Variants in AFG1L observed in about 807,000 individuals in gnomAD.
AFG1L encodes AFG1 like ATPase, also known as AFG1-like ATPase.
In AFG1L, 53 loss-of-function variants were observed where a neutral mutation model predicts 62.2. That is an observed-to-expected ratio of 0.85 (90% CI 0.68 to 1.07). AFG1L has a LOEUF of 1.07. Among genes scored for constraint, AFG1L ranks in the 50% least tolerant of loss-of-function variants. AFG1L has a pLI of 0.00. For synonymous variants in AFG1L, 228 were observed against 210.3 expected, an observed-to-expected ratio of 1.08 and a Z score of -0.73; for missense variants, 555 against 590.5, an observed-to-expected ratio of 0.94 and a Z score of 0.62.
intron 10 of AFG1L, among the ~76,000 whole-genome samples, chr6:108,502,172 G>A (rs1406082027): frequency 2.0e-5 from 3 of 148,010 alleles, no homozygotes; most frequent in Non-Finnish European, 3.0e-5. Flanking sequence ...GATTACAGGT[G>A]CAGCCACCAT....
chr6:108,377,213 G>T (rs556700534), intron 6 of AFG1L, among the ~76,000 whole-genome samples: 3 of 152,188 alleles, frequency 2.0e-5, no homozygotes, highest in Admixed American at 6.5e-5. Flanking sequence ...GCCACTCTTT[G>T]CCTTGTAAGT....
At chr6:108,412,380 G>T (rs1782158074) in intron 7 of AFG1L, among the ~76,000 whole-genome samples, 1 of 152,134 alleles carries the variant, frequency 6.6e-6, no homozygotes, top group Admixed American at 6.6e-5. Flanking sequence ...ACCTAGTGAG[G>T]CAGGCCAACA....
intron 7 of AFG1L, among the ~76,000 whole-genome samples, chr6:108,409,039 G>A (rs12193069): frequency 0.35 from 53,513 of 151,926 alleles, 9,856 homozygotes; most frequent in Non-Finnish European, 0.42. Context: ...AAAAGCTTTC[G>A]ATAATGTAGA....
At chr6:108,360,073 C>T (rs1475149792) in intron 5 of AFG1L, among the ~76,000 whole-genome samples, 1 of 152,082 alleles carries the variant, frequency 6.6e-6, no homozygotes, top group African/African-American at 2.4e-5. Flanking sequence ...GAGCTAAAGC[C>T]CAGGAAGAGA....
rs748712165 is a variant in AFG1L, at chr6:108,476,940, G to GTT, written c.961+6_961+7insTT. 2 of 1,611,470 alleles carry GTT rather than the reference G, an allele frequency of 1.2e-6. No individual in the cohort carries two copies. The highest frequency in any genetic ancestry group is 2.2e-5 in the South Asian group (2 of 91,002). ...TGGCTCAGAAACAAAATGATTGTAC[G>GTT]TAAGTTAATTTCTCTTGAAAGAGAA... On this transcript the variant is annotated splice_donor_region_variant and intron_variant, in intron 9 of 12. Coordinates refer to ENST00000368977, the MANE Select transcript of AFG1L (RefSeq NM_145315.5).
intron 8 of AFG1L, 116 bp downstream of exon 8, chr6:108,447,412 T>A: frequency 1.7e-6 from 1 of 582,244 alleles, no homozygotes; most frequent in South Asian, 2.3e-5. Context: ...CCATGATTTT[T>A]AAATTGCAAA....
intron 7 of AFG1L, among the ~76,000 whole-genome samples, chr6:108,434,616 T>C (rs944727795): frequency 2.0e-5 from 3 of 152,190 alleles, no homozygotes; most frequent in Non-Finnish European, 4.4e-5. Context: ...CCCCCCTCCA[T>C]TGTTTTCCCA....
chr6:108,390,225 A>G (rs1208584895), intron 6 of AFG1L, among the ~76,000 whole-genome samples: 1 of 152,138 alleles, frequency 6.6e-6, no homozygotes, highest in Non-Finnish European at 1.5e-5. Flanking sequence ...CCATCAGGCC[A>G]TTTTAGGACT....
chr6:108,489,990 T>C (rs532178992), intron 10 of AFG1L, among the ~76,000 whole-genome samples: 3 of 152,350 alleles, frequency 2.0e-5, no homozygotes, highest in African/African-American at 7.2e-5. Flanking sequence ...GCCAGAGGAC[T>C]AGTATAGTTT....
At chr6:108,369,058 C>T (rs1779878944) in intron 6 of AFG1L, among the ~76,000 whole-genome samples, 1 of 152,088 alleles carries the variant, frequency 6.6e-6, no homozygotes, top group African/African-American at 2.4e-5. Context: ...AGACAATCAT[C>T]ATAAATAACT....
intron 2 of AFG1L, among the ~76,000 whole-genome samples, chr6:108,325,485 G>GTATT (rs1263661530): frequency 6.7e-6 from 1 of 149,704 alleles, no homozygotes; most frequent in Non-Finnish European, 1.5e-5. Flanking sequence ...TGACTAGTGT[G>GTATT]TATTTATTTA....
At chr6:108,416,761 C>T (rs1488093898) in intron 7 of AFG1L, among the ~76,000 whole-genome samples, 1 of 152,080 alleles carries the variant, frequency 6.6e-6, no homozygotes, top group Non-Finnish European at 1.5e-5. Context: ...ACATCACACA[C>T]TGGGGCCTGT....
At chr6:108,459,136 C>G (rs1772361307) in intron 8 of AFG1L, among the ~76,000 whole-genome samples, 1 of 152,128 alleles carries the variant, frequency 6.6e-6, no homozygotes, top group African/African-American at 2.4e-5. Context: ...CCTCTCCCAC[C>G]TGCCCGTTTC....
intron 2 of AFG1L, among the ~76,000 whole-genome samples, chr6:108,336,854 C>T (rs1482163734): frequency 1.3e-5 from 2 of 152,202 alleles, no homozygotes; most frequent in African/African-American, 4.8e-5. Context: ...TAAGTTGCAT[C>T]ATAACACTTG....
At chr6:108,473,529 G>A (rs1029690699) in intron 8 of AFG1L, among the ~76,000 whole-genome samples, 3 of 152,178 alleles carry the variant, frequency 2.0e-5, no homozygotes, top group Admixed American at 6.5e-5. Context: ...TTTTCGCTAT[G>A]TTCCTTAAAA....
At chr6:108,384,614 C>T (rs979355233) in intron 6 of AFG1L, among the ~76,000 whole-genome samples, 1 of 152,146 alleles carries the variant, frequency 6.6e-6, no homozygotes, top group Non-Finnish European at 1.5e-5. Flanking sequence ...AAGCAGTTAA[C>T]AGAGACTATC....
chr6:108,484,804 A>T (rs1773459616), intron 10 of AFG1L, among the ~76,000 whole-genome samples: 1 of 152,226 alleles, frequency 6.6e-6, no homozygotes, highest in Non-Finnish European at 1.5e-5. Context: ...CTGATATTTT[A>T]TACATAAAAG....
intron 1 of AFG1L, among the ~76,000 whole-genome samples, chr6:108,300,675 C>CT (rs397965721): frequency 1.8e-3 from 259 of 141,396 alleles, no homozygotes; most frequent in South Asian, 3.4e-3. Flanking sequence ...TTTGAACTTA[C>CT]TTTTTTTTTT....
chr6:108,304,976 C>T (rs1053922079), intron 1 of AFG1L, among the ~76,000 whole-genome samples: 1 of 152,186 alleles, frequency 6.6e-6, no homozygotes, highest in East Asian at 1.9e-4. Flanking sequence ...CTATAGAATG[C>T]GATGCATTTT....
Sources: allele counts gnomAD v4.1 joint callset (sites outside exome capture counted in the v4.1 genomes callset), GRCh38; gene constraint gnomAD v4.1.1; transcripts MANE v1.5; gene names NCBI Gene and HGNC (gene_info 2026-07-23, HGNC 2026-07-21).